LINGO1: variants seen among roughly 807,000 people sequenced by gnomAD.
LINGO1 encodes leucine rich repeat and Ig domain containing 1, also known as leucine-rich repeat and immunoglobulin-like domain-containing nogo receptor-interacting protein 1.
LINGO1 carries 11 observed loss-of-function variants against 37.3 expected under a neutral mutation model. The observed-to-expected ratio is 0.29, with a 90% CI of 0.19 to 0.49. LINGO1 has a LOEUF of 0.49. Ranked by LOEUF, LINGO1 falls within the 20% of genes least tolerant of loss-of-function variation. The pLI, the probability that LINGO1 is intolerant of heterozygous loss-of-function variation, is 0.99. For missense variants in LINGO1, 585 were observed against 878.2 expected, an observed-to-expected ratio of 0.67 and a Z score of 4.22; for synonymous variants, 387 against 403.0, an observed-to-expected ratio of 0.96 and a Z score of 0.48.
rs779768364 is a variant in LINGO1 at position 77,615,283 on chromosome 15, G to C, written c.624C>G (p.Thr208=). The C allele has an allele frequency of 6.2e-7, 1 of 1,613,792 alleles. No individual in the cohort carries two copies. Among genetic ancestry groups the C allele is most frequent in the Admixed American group, 1.7e-5 (1 of 60,030 alleles). The change falls in exon 2 of 2, where the codon ACC becomes ACG. Residue 208 remains threonine, a synonymous_variant. Coordinates refer to ENST00000355300, the MANE Select transcript of LINGO1 (RefSeq NM_032808.7). ...GGCCGTGCAGGTGGGACAGCGCCTC[G>C]GTGGGGATGGAGGTCAGGTTGCATT... ...LEKCNLTSIP[T]EALSHLHGLI...
At chr15:77,719,443 C>T (rs140096281) in intron 2 of LINGO1, among the ~76,000 whole-genome samples, 14 of 150,012 alleles carry the variant, frequency 9.3e-5, no homozygotes, top group African/African-American at 3.4e-4. Context: ...CAGATCAGAG[C>T]CACACAGTGC....
chr15:77,738,830 AG>A (rs1382734939), intron 1 of LINGO1, among the ~76,000 whole-genome samples: 2 of 152,148 alleles, frequency 1.3e-5, no homozygotes, highest in African/African-American at 4.8e-5. Context: ...GAAGGAAGGA[AG>A]GGGCACAGCC....
chr15:77,637,377 C>T (rs1245044111), upstream of LINGO1, among the ~76,000 whole-genome samples: 42 of 152,190 alleles, frequency 2.8e-4, no homozygotes, highest in Admixed American at 2.6e-3. The surrounding 1 kb of genome is among the most constrained non-coding windows in gnomAD (Gnocchi z 4.6). Flanking sequence ...GTCTTGTCAT[C>T]GATAGCTTTC....
rs991400537 is a variant in LINGO1, at chr15:77,684,875, C to T, written c.-99+5845G>A. Among the ~76,000 whole-genome samples, 7 of 152,116 alleles carry T rather than the reference C, an allele frequency of 4.6e-5. No homozygotes were observed. In the South Asian group the frequency reaches 8.3e-4, roughly 18 times the overall value. ...CCCTCCATGCAGCTGCCAAGTCAGA[C>T]GCAGGGAGGCCAGAAGCCTACAAGG... On this transcript the variant is annotated intron_variant, in intron 2 of 3. Coordinates refer to the LINGO1 transcript ENST00000559893.
chr15:77,687,522 G>A (rs1406745493), intron 2 of LINGO1, among the ~76,000 whole-genome samples: 1 of 152,234 alleles, frequency 6.6e-6, no homozygotes, highest in Non-Finnish European at 1.5e-5. Flanking sequence ...TCCACTCCAG[G>A]CAGCTGTGCT....
At chr15:77,810,255 C>G (rs1327942076) in intron 1 of LINGO1, among the ~76,000 whole-genome samples, 8 of 113,638 alleles carry the variant, frequency 7.0e-5, no homozygotes, top group Admixed American at 6.7e-4. Context: ...CACACGCATA[C>G]ACATGCACAC....
rs766482970 is a variant in LINGO1 at position 77,615,147 on chromosome 15, T to A, written c.760A>T (p.Thr254Ser). Reference sequence around the variant, plus strand: ...CCGTAGAGGCAGTTGGGTGTCATGGTGTCCAAGTAGGGCCAGTGGGAGATC... The same window carrying A: ...CCGTAGAGGCAGTTGGGTGTCATGGAGTCCAAGTAGGGCCAGTGGGAGATC... Reference protein sequence around the residue: ...LEISHWPYLDTMTPNCLYGLN... With the variant: ...LEISHWPYLDSMTPNCLYGLN... Residue 254 changes from threonine to serine, a missense_variant, in exon 2 of 2, where the codon ACC (threonine) becomes TCC (serine). Coordinates refer to ENST00000355300, the MANE Select transcript of LINGO1 (RefSeq NM_032808.7). 1 of 1,613,958 alleles carries A rather than the reference T, an allele frequency of 6.2e-7. No homozygotes were observed. Among genetic ancestry groups the A allele is most frequent in the Non-Finnish European group, 8.5e-7 (1 of 1,179,870 alleles).
chr15:77,641,333 G>A (rs1453917091), intron 3 of LINGO1, among the ~76,000 whole-genome samples: 4 of 152,204 alleles, frequency 2.6e-5, no homozygotes, highest in Non-Finnish European at 5.9e-5. Flanking sequence ...GAGCAGGGGA[G>A]TTTGAACCAT....
At chr15:77,722,053 C>T (rs1304755662) in intron 2 of LINGO1, among the ~76,000 whole-genome samples, 1 of 152,228 alleles carries the variant, frequency 6.6e-6, no homozygotes, top group African/African-American at 2.4e-5. Flanking sequence ...CTCTCTGCAC[C>T]TGCAGGGTGA....
At chr15:77,628,759 GT>G (rs1398227211) in intron 1 of LINGO1, among the ~76,000 whole-genome samples, 15 of 152,168 alleles carry the variant, frequency 9.9e-5, no homozygotes, top group Non-Finnish European at 2.2e-4. Flanking sequence ...GCCTGGATTA[GT>G]GAGTAAGAGC....
chr15:77,637,415 A>G (rs908658375), upstream of LINGO1, among the ~76,000 whole-genome samples: 6 of 152,060 alleles, frequency 3.9e-5, no homozygotes, highest in Non-Finnish European at 8.8e-5. This position sits in a 1 kb window ranked among gnomAD's most constrained non-coding sequence, Gnocchi z 4.6. Flanking sequence ...CTCCCCTTCC[A>G]GTTCAGGTCC....
At chr15:77,763,060 C>A (rs903426442) in intron 1 of LINGO1, among the ~76,000 whole-genome samples, 1 of 152,186 alleles carries the variant, frequency 6.6e-6, no homozygotes, top group South Asian at 2.1e-4. Context: ...ACCCCGCCCT[C>A]GCCCGGCTGG....
In LINGO1 at chr15:77,811,243, C is replaced by T. The variant is rs566528126; in HGVS notation, c.-458+9015G>A. Among the ~76,000 whole-genome samples the T allele has an allele frequency of 1.4e-4, 21 of 152,350 alleles. 1 individual carries two copies. The East Asian group carries it at 4.1e-3, about 29-fold the overall frequency. On this transcript the variant is annotated intron_variant, in intron 1 of 5. Transcript: ENST00000562933. The stretch of plus-strand genomic sequence containing the variant: ...ATGGCCCAAGCCTGATAACATTCTC[C>T]TAAATTAAACAATAAACAAGAAGTT...
intron 2 of LINGO1, among the ~76,000 whole-genome samples, chr15:77,689,867 G>C (rs576229559): frequency 1.2e-4 from 18 of 152,322 alleles, no homozygotes; most frequent in African/African-American, 4.3e-4. Flanking sequence ...CAAACTTCCT[G>C]GAGGGGGAAG....
chr15:77,784,117 G>T (rs2076748614), intron 1 of LINGO1, among the ~76,000 whole-genome samples: 1 of 152,250 alleles, frequency 6.6e-6, no homozygotes, highest in Admixed American at 6.5e-5. Context: ...AATCTGTCAG[G>T]ACCCTCCTTT....
chr15:77,639,478 C>T (rs533297550), intron 3 of LINGO1, among the ~76,000 whole-genome samples: 3 of 151,954 alleles, frequency 2.0e-5, no homozygotes, highest in East Asian at 3.9e-4. Flanking sequence ...GCACACCCTA[C>T]GACCCAGCAG....
At chr15:77,709,830 G>A (rs761994364) in intron 2 of LINGO1, among the ~76,000 whole-genome samples, 19 of 152,248 alleles carry the variant, frequency 1.2e-4, no homozygotes, top group Non-Finnish European at 2.6e-4. Flanking sequence ...CCCTGGTACA[G>A]TGAAGGGCAG....
At chr15:77,652,973 T>C (rs1460520803) in intron 3 of LINGO1, among the ~76,000 whole-genome samples, 1 of 152,230 alleles carries the variant, frequency 6.6e-6, no homozygotes, top group Non-Finnish European at 1.5e-5. Context: ...ACAGGGTGGA[T>C]GGATCAGGTC....
chr15:77,782,872 G>A (rs906213198), intron 1 of LINGO1, among the ~76,000 whole-genome samples: 4 of 151,918 alleles, frequency 2.6e-5, no homozygotes, highest in Non-Finnish European at 4.4e-5. Flanking sequence ...CACAAATCAG[G>A]CCCTGTCACT....
Sources: allele counts gnomAD v4.1 joint callset (sites outside exome capture counted in the v4.1 genomes callset), GRCh38; gene constraint gnomAD v4.1.1; non-coding constraint Gnocchi (gnomAD v3.1); transcripts MANE v1.5; gene names NCBI Gene and HGNC (gene_info 2026-07-23, HGNC 2026-07-21).